Variants in CPT1A observed in about 807,000 individuals in gnomAD.
The protein encoded by CPT1A is carnitine palmitoyltransferase 1A.
CPT1A carries 64 observed loss-of-function variants against 100.8 expected under a neutral mutation model. The ratio of observed to expected loss-of-function variants is 0.63; its 90% CI spans 0.52 to 0.78. The LOEUF (loss-of-function observed/expected upper bound fraction) is 0.78, where lower values mean the gene tolerates loss of function less well. CPT1A is among the 30% of genes least tolerant of loss of function. CPT1A has a pLI of 0.00. For synonymous variants in CPT1A, 363 were observed against 396.0 expected (o/e 0.92, Z 0.99); for missense variants, 802 against 1,034.1 (o/e 0.78, Z 3.08).
chr11:68,770,421 C>T (rs1433045971), intron 14 of CPT1A, among the ~76,000 whole-genome samples: 1 of 152,196 alleles, frequency 6.6e-6, no homozygotes, highest in Non-Finnish European at 1.5e-5. Context: ...TCTTCCTGCC[C>T]AATTACCCTG....
In CPT1A at chr11:68,815,384, T is replaced by C. The variant is rs1310753478; in HGVS notation, c.91A>G (p.Ile31Val). 6.2e-7 allele frequency: 1 copy of C among 1,614,116 alleles called. No individual in the cohort carries two copies. Among genetic ancestry groups the C allele is most frequent in the South Asian group, 1.1e-5 (1 of 91,080 alleles). ...CAGGAATGAAGTCCAGAGAGATAGA[T>C]TTGTCTAAGAGCTTCATGGCTCAGC... ...LRLSHEALRQ[I>V]YLSGLHSWKK... The change falls in exon 2 of 19, where the codon ATC becomes GTC. Residue 31 changes from isoleucine to valine, a missense_variant. Physicochemically the swap from Ile to Val is conservative, Grantham distance 29. Transcript: ENST00000265641.
At chr11:68,785,274 G>A (rs1855426629) in intron 9 of CPT1A, among the ~76,000 whole-genome samples, 1 of 152,126 alleles carries the variant, frequency 6.6e-6, no homozygotes. Context: ...GAGGCCAGGC[G>A]CAGTGGGAGG....
Position 68,775,321 on chromosome 11 carries a change from C to T in CPT1A, c.1570G>A (p.Gly524Arg), listed in dbSNP as rs766269048. 1 of 1,612,446 alleles carries T rather than the reference C, an allele frequency of 6.2e-7. No individual in the cohort carries two copies. The highest frequency in any genetic ancestry group is 1.3e-5 in the African/African-American group (1 of 74,886). Reference protein sequence around the residue: ...YPTRLQWDIPGECQEVIETSL... With the variant: ...YPTRLQWDIPRECQEVIETSL... ...GTTGGATAATCCGGACTTACTTCCCCCGGGATGTCCCACTGCAGCCTGGTG... is the reference window on the plus strand; with the variant it reads ...GTTGGATAATCCGGACTTACTTCCCTCGGGATGTCCCACTGCAGCCTGGTG... Residue 524 changes from glycine to arginine, a missense_variant, in exon 13 of 19, where the codon GGG becomes AGG. By Grantham distance (125) the Gly-to-Arg change is moderately radical. Around this residue, in one of 4 missense-constraint regions of CPT1A, gnomAD observed 627 missense variants for 799.3 expected, o/e 0.78. Transcript: ENST00000265641.
intron 1 of CPT1A, among the ~76,000 whole-genome samples, chr11:68,825,800 T>A (rs1233983630): frequency 6.6e-6 from 1 of 152,146 alleles, no homozygotes; most frequent in East Asian, 1.9e-4. Flanking sequence ...AGGGCACACC[T>A]GCTCCCTGCC....
At chr11:68,842,307 A>ATTT (rs1857179049), upstream of CPT1A, among the ~76,000 whole-genome samples, 1 of 151,996 alleles carries the variant, frequency 6.6e-6, no homozygotes, top group Non-Finnish European at 1.5e-5. Context: ...ACCCCACATC[A>ATTT]CCGAGCTGAG....
chr11:68,760,237 C>G lies in CPT1A; in HGVS notation c.2130G>C (p.Gly710=). The change falls in exon 17 of 19, where the codon GGG becomes GGC. Residue 710 remains glycine, a synonymous_variant. Transcript: ENST00000265641. ...ENNPEYVSSG[G]GFGPVADDGY... ...CCGCCGCACTCACCGGTCCAAAGCC[C>G]CCTCCGCTGGACACGTACTCTGGGT... is the stretch of plus-strand genomic sequence containing the variant. 2.5e-6 allele frequency: 4 copies of G among 1,609,768 alleles called. No individual in the cohort carries two copies. The highest frequency in any genetic ancestry group is 3.4e-6 in the Non-Finnish European group (4 of 1,178,536).
chr11:68,760,300 G>C lies in CPT1A; in HGVS notation c.2067C>G (p.Thr689=), dbSNP rs751692323. ...CAAACAGCTCCACTTGCTGCTGAGG[G>C]GTCTGGCTTGTTGATAATCTCCAAG... ...SEPWRLSTSQ[T]PQQQVELFDL... is the part of the protein sequence containing the mutation. The change falls in exon 17 of 19, where the codon ACC becomes ACG. Residue 689 remains threonine, a synonymous_variant. Coordinates refer to ENST00000265641, the MANE Select transcript of CPT1A (RefSeq NM_001876.4). The C allele has an allele frequency of 6.2e-7, 1 of 1,612,802 alleles. No homozygotes were observed. The highest frequency in any genetic ancestry group is 8.5e-7 in the Non-Finnish European group (1 of 1,179,610).
chr11:68,798,756 A>C (rs1053325863), intron 6 of CPT1A, among the ~76,000 whole-genome samples: 11 of 152,218 alleles, frequency 7.2e-5, no homozygotes, highest in African/African-American at 2.7e-4. Flanking sequence ...GCAGCATGGC[A>C]CTGCTGCAGG....
chr11:68,816,620 C>G (rs573147443), intron 1 of CPT1A, among the ~76,000 whole-genome samples: 4 of 152,220 alleles, frequency 2.6e-5, no homozygotes, highest in East Asian at 1.9e-4. Flanking sequence ...CTGGACCCCC[C>G]GGGGTGGTGG....
At chr11:68,797,083 A>T (rs996319094) in intron 6 of CPT1A, 150 bp from the exon 7 acceptor site, 2 of 714,094 alleles carry the variant, frequency 2.8e-6, no homozygotes, top group East Asian at 5.4e-5. Flanking sequence ...CAGGGAACGC[A>T]GTCCTAACTA....
chr11:68,841,856 G>C lies in CPT1A; in HGVS notation c.-95C>G, dbSNP rs1857168515. On this transcript the variant is annotated 5_prime_UTR_variant, in exon 1 of 19. Coordinates refer to ENST00000265641, the MANE Select transcript of CPT1A (RefSeq NM_001876.4). This position sits in a 1 kb window ranked among gnomAD's most constrained non-coding sequence, Gnocchi z 6.3. Reference sequence around the variant, plus strand: ...GGTGGAGTGAACGAGCGGCGAGCGGGAGCCGGGGAAGGAGGGCCGCGGGCG... The same window carrying C: ...GGTGGAGTGAACGAGCGGCGAGCGGCAGCCGGGGAAGGAGGGCCGCGGGCG... 1.0e-6 allele frequency: 1 copy of C among 994,090 alleles called. No homozygotes were observed. Among genetic ancestry groups the C allele is most frequent in the Admixed American group, 6.2e-5 (1 of 16,162 alleles). 61.6% of individuals were successfully genotyped at this position (994,090 alleles called of 1,614,324 possible). A position where few individuals can be genotyped will look rare whatever the true frequency, so the allele number is the denominator to read the frequency against.
intron 1 of CPT1A, among the ~76,000 whole-genome samples, chr11:68,834,506 C>G (rs597539): frequency 0.28 from 42,683 of 151,966 alleles, 6,766 homozygotes; most frequent in South Asian, 0.47. Flanking sequence ...AATCCCAATA[C>G]TTTGGCAGGC....
chr11:68,775,518 G>A (rs577215717), intron 12 of CPT1A, 86 bp from the exon 13 acceptor site: 2 of 1,077,462 alleles, frequency 1.9e-6, no homozygotes, highest in South Asian at 2.5e-5. Context: ...GTTGTTCTTT[G>A]CAGAGATGTT....
intron 1 of CPT1A, among the ~76,000 whole-genome samples, chr11:68,833,116 T>C (rs545938846): frequency 2.0e-4 from 30 of 152,272 alleles, no homozygotes; most frequent in Admixed American, 8.5e-4. Context: ...CTTCACAACA[T>C]GCATGATGTC....
intron 1 of CPT1A, among the ~76,000 whole-genome samples, chr11:68,838,980 C>A (rs537005314): frequency 1.3e-5 from 2 of 152,248 alleles, no homozygotes; most frequent in East Asian, 1.9e-4. Flanking sequence ...ACAAGTGAGG[C>A]CTCTTTAAAG....
At chr11:68,831,019 A>G (rs1331567083) in intron 1 of CPT1A, among the ~76,000 whole-genome samples, 1 of 152,194 alleles carries the variant, frequency 6.6e-6, no homozygotes, top group Admixed American at 6.6e-5. Context: ...GTGATAACAC[A>G]TCTTCAATTT....
In CPT1A at chr11:68,773,330, T is replaced by C. The variant is rs1413070376; in HGVS notation, c.1675A>G (p.Ile559Val). 1 of 1,614,212 alleles carries C rather than the reference T, an allele frequency of 6.2e-7. No homozygotes were observed. Among genetic ancestry groups the C allele is most frequent in the Admixed American group, 1.7e-5 (1 of 60,022 alleles). Reference sequence around the variant, plus strand: ...TCTGGGCTCGTGCGACATTTCTTGATGATTCCTTTACCAAAGGCTACGAAT... The same window carrying C: ...TCTGGGCTCGTGCGACATTTCTTGACGATTCCTTTACCAAAGGCTACGAAT... The part of the protein sequence containing the change: ...FPFVAFGKGI[I>V]KKCRTSPDAF... Residue 559 changes from isoleucine (I) to valine (V), a missense_variant, in exon 14 of 19, where the codon ATC becomes GTC. Coordinates refer to ENST00000265641, the MANE Select transcript of CPT1A (RefSeq NM_001876.4).
chr11:68,824,794 C>CTTTTTT (rs60451933), intron 1 of CPT1A, among the ~76,000 whole-genome samples: 2 of 120,350 alleles, frequency 1.7e-5, no homozygotes, highest in Admixed American at 9.5e-5. Flanking sequence ...GCAATTGTAT[C>CTTTTTT]TTTTTTTTTT....
intron 12 of CPT1A, among the ~76,000 whole-genome samples, chr11:68,776,955 C>G (rs1169046818): frequency 5.3e-5 from 8 of 152,176 alleles, no homozygotes; most frequent in African/African-American, 1.7e-4. Flanking sequence ...GAGGTAAAAA[C>G]AACAACACAA....
Sources: gnomAD v4.1 joint callset for allele counts (sites outside exome capture counted in the v4.1 genomes callset) on GRCh38, gnomAD v4.1.1 for gene constraint, gnomAD v4.1.1 regional missense constraint, Gnocchi (gnomAD v3.1) non-coding constraint, MANE v1.5 for transcripts, NCBI Gene and HGNC (gene_info 2026-07-23, HGNC 2026-07-21) for gene names.